PAWR: variants seen among roughly 807,000 people sequenced by gnomAD.
The protein encoded by PAWR is PRKC apoptosis WT1 regulator protein.
PAWR carries 23 observed loss-of-function variants against 32.0 expected under a neutral mutation model. The observed-to-expected ratio is 0.72, with a 90% CI of 0.52 to 1.02. The LOEUF is 1.02. PAWR is among the 50% of genes least tolerant of loss of function. The probability of loss-of-function intolerance (pLI) is 0.00; values close to 1 mark genes in which losing one functional copy is unlikely to be tolerated. For synonymous variants in PAWR, 226 were observed against 187.1 expected, an observed-to-expected ratio of 1.21 and a Z score of -1.70; for missense variants, 457 against 437.7, an observed-to-expected ratio of 1.04 and a Z score of -0.39.
At chr12:79,637,649 A>T (rs188393143) in intron 2 of PAWR, among the ~76,000 whole-genome samples, 56 of 152,242 alleles carry the variant, frequency 3.7e-4, no homozygotes, top group African/African-American at 1.3e-3. Flanking sequence ...TGGATAGCAG[A>T]AAGAAACGTA....
chr12:79,648,617 T>TAA (rs1170404778), intron 2 of PAWR, among the ~76,000 whole-genome samples: 2,821 of 108,254 alleles, frequency 0.026, 76 homozygotes, highest in South Asian at 0.072. Context: ...ACCCTGTCTC[T>TAA]AAAAAAAAAA....
intron 4 of PAWR, among the ~76,000 whole-genome samples, chr12:79,607,400 C>A (rs1015779359): frequency 6.6e-6 from 1 of 152,082 alleles, no homozygotes; most frequent in Admixed American, 6.6e-5. Context: ...TATATTTGGT[C>A]GTCTTTAGTT....
intron 2 of PAWR, among the ~76,000 whole-genome samples, chr12:79,662,033 G>C (rs530038247): frequency 6.6e-6 from 1 of 151,984 alleles, no homozygotes; most frequent in African/African-American, 2.4e-5. Flanking sequence ...TTGAAATTCA[G>C]GGCATATTAC....
chr12:79,632,342 T>C lies in PAWR; in HGVS notation c.517-11135A>G, dbSNP rs1050469150. Among the ~76,000 whole-genome samples, 44 of 60,674 alleles carry C rather than the reference T, an allele frequency of 7.3e-4. 1 individual carries two copies. Among genetic ancestry groups the C allele is most frequent in the South Asian group, 4.8e-3 (9 of 1,886 alleles). The allele number at this position is 60,674 out of a possible 152,430, so 39.8% of individuals were successfully genotyped here. On this transcript the variant is annotated intron_variant, in intron 2 of 6. Coordinates refer to ENST00000328827, the MANE Select transcript of PAWR (RefSeq NM_002583.4). ...ATATATATATATATATATATATATA[T>C]ATATATATATATATATATATTTTTT...
Position 79,669,494 on chromosome 12 carries a change from A to T in PAWR, c.516+20235T>A, listed in dbSNP as rs114291657. 6.6e-3 allele frequency among the ~76,000 whole-genome samples: 1,007 copies of T among 152,268 alleles called. 11 individuals carry two copies. Among genetic ancestry groups the T allele is most frequent in the African/African-American group, 0.02 (812 of 41,542 alleles). On this transcript the variant is annotated intron_variant, in intron 2 of 6. Transcript: ENST00000328827. ...CCTTAAATAACTAAGAAATATATTT[A>T]AAAAAACTCCTCTTCTAATAACCAT...
intron 2 of PAWR, among the ~76,000 whole-genome samples, chr12:79,675,084 A>T (rs995474210): frequency 6.6e-6 from 1 of 152,186 alleles, no homozygotes; most frequent in East Asian, 1.9e-4. Flanking sequence ...ACTAGAAATC[A>T]TTCTACCACA....
At chr12:79,618,751 T>C (rs1156747462) in intron 3 of PAWR, among the ~76,000 whole-genome samples, 2 of 152,210 alleles carry the variant, frequency 1.3e-5, no homozygotes, top group African/African-American at 2.4e-5. Context: ...AGGAAAATGC[T>C]TGACATTCTT....
At position 79,670,931 on chromosome 12, in the gene PAWR, G is replaced by A. The variant is rs555034530; in HGVS notation, c.516+18798C>T. Among the ~76,000 whole-genome samples, 4 of 143,974 alleles carry A rather than the reference G, an allele frequency of 2.8e-5. No individual in the cohort carries two copies. In the East Asian group the frequency reaches 8.1e-4, roughly 29 times the overall value. The allele number at this position is 143,974 out of a possible 152,430, so 94.5% of individuals were successfully genotyped here. A position where few individuals can be genotyped will look rare whatever the true frequency, so the allele number is the denominator to read the frequency against. ...ACAGACCACCTTCTTAATCCTACAT[G>A]TCAAGCACTGAGCTAAGTATTAAGG... On this transcript the variant is annotated intron_variant, in intron 2 of 6. Transcript: ENST00000328827.
intron 2 of PAWR, among the ~76,000 whole-genome samples, chr12:79,650,034 C>T (rs1017868979): frequency 2.0e-5 from 3 of 152,152 alleles, no homozygotes; most frequent in Non-Finnish European, 1.5e-5. Context: ...AATGCCACTG[C>T]TGATCTGATA....
intron 5 of PAWR, among the ~76,000 whole-genome samples, chr12:79,595,365 A>T (rs1223380555): frequency 6.6e-6 from 1 of 152,216 alleles, no homozygotes; most frequent in Non-Finnish European, 1.5e-5. Flanking sequence ...AGAGCTCAAA[A>T]GGCCTTGCCC....
rs376325379 is a variant in PAWR, at chr12:79,625,589, A to C, written c.517-4382T>G. On this transcript the variant is annotated intron_variant, in intron 2 of 6. Coordinates refer to ENST00000328827, the MANE Select transcript of PAWR (RefSeq NM_002583.4). The stretch of plus-strand genomic sequence containing the variant: ...GTAATCCCAGCACTTTGGGAGGCCA[A>C]GGCGGGCAGATCACAAGATCAGGAG... 8.5e-5 allele frequency among the ~76,000 whole-genome samples: 13 copies of C among 152,142 alleles called. No individual in the cohort carries two copies. In the East Asian group the frequency reaches 1.4e-3, roughly 16 times the overall value.
chr12:79,610,765 A>G (rs1444651443), intron 4 of PAWR, among the ~76,000 whole-genome samples: 8 of 151,282 alleles, frequency 5.3e-5, no homozygotes. Context: ...CAAAAATTAA[A>G]AAAAAAAAAA....
Position 79,690,086 on chromosome 12 carries a change from G to T in PAWR, c.159C>A (p.Pro53=), listed in dbSNP as rs1338920758. ...GGGSSDAAGK[P]PAGALGTPAA... ...CCGGGGTGCCCAGAGCCCCCGCGGGGGGCTTCCCAGCGGCGTCGCTGCTGC... is the reference window on the plus strand; with the variant it reads ...CCGGGGTGCCCAGAGCCCCCGCGGGTGGCTTCCCAGCGGCGTCGCTGCTGC... Residue 53 remains proline (P), a synonymous_variant, in exon 2 of 7, where the codon CCC becomes CCA. Transcript: ENST00000328827. 3.5e-6 allele frequency: 5 copies of T among 1,439,028 alleles called. No individual in the cohort carries two copies. In the South Asian group the frequency reaches 7.0e-5, roughly 20 times the overall value. The allele number at this position is 1,439,028 out of a possible 1,614,324, so 89.1% of individuals were successfully genotyped here.
At chr12:79,626,458 A>T (rs1032227462) in intron 2 of PAWR, among the ~76,000 whole-genome samples, 2 of 150,990 alleles carry the variant, frequency 1.3e-5, no homozygotes, top group Non-Finnish European at 2.9e-5. Context: ...ATGAGGGTTC[A>T]CCATGTTAGC....
intron 2 of PAWR, among the ~76,000 whole-genome samples, chr12:79,669,413 A>G (rs1877774432): frequency 6.6e-6 from 1 of 152,182 alleles, no homozygotes; most frequent in Admixed American, 6.5e-5. Flanking sequence ...TCAACTTGCC[A>G]TATTATCTTA....
intron 4 of PAWR, among the ~76,000 whole-genome samples, chr12:79,605,095 T>C (rs1179493742): frequency 6.6e-6 from 1 of 152,158 alleles, no homozygotes; most frequent in Non-Finnish European, 1.5e-5. Flanking sequence ...TGTAATATGT[T>C]CTCTCCTCCA....
intron 3 of PAWR, among the ~76,000 whole-genome samples, chr12:79,618,264 G>A (rs564474953): frequency 3.7e-4 from 56 of 152,062 alleles, no homozygotes; most frequent in Non-Finnish European, 6.2e-4. Flanking sequence ...GAGTAGCTGG[G>A]ATTACAGGTG....
intron 4 of PAWR, among the ~76,000 whole-genome samples, chr12:79,613,347 A>G (rs1592500835): frequency 6.6e-6 from 1 of 152,230 alleles, no homozygotes; most frequent in East Asian, 1.9e-4. Context: ...TGCAAAGTTC[A>G]TCAGACCCAT....
chr12:79,592,748 G>A (rs1035893926), intron 6 of PAWR, 55 bp from the exon 7 acceptor site: 14 of 671,926 alleles, frequency 2.1e-5, no homozygotes, highest in Non-Finnish European at 3.4e-5. Context: ...GAGGAGAGAT[G>A]AAAACACTTA....
Sources: allele counts gnomAD v4.1 joint callset (sites outside exome capture counted in the v4.1 genomes callset), GRCh38; gene constraint gnomAD v4.1.1; transcripts MANE v1.5; gene names NCBI Gene and HGNC (gene_info 2026-07-23, HGNC 2026-07-21).